Variants in ANK3 observed in about 807,000 individuals in gnomAD.
The protein encoded by ANK3 is ankyrin 3, also known as ankyrin-3.
In ANK3, 57 loss-of-function variants were observed where a neutral mutation model predicts 370.9. That is an observed-to-expected ratio of 0.15 (90% CI 0.12 to 0.19). The LOEUF is 0.19. ANK3 is among the 10% of genes least tolerant of loss of function. ANK3 has a pLI of 1.00. For missense variants in ANK3, 4,439 were observed against 5,302.1 expected (o/e 0.84, Z 5.06); for synonymous variants, 1,929 against 1,946.3 (o/e 0.99, Z 0.23).
chr10:60,582,535 C>T (rs1222715243), intron 2 of ANK3, among the ~76,000 whole-genome samples: 3 of 151,892 alleles, frequency 2.0e-5, no homozygotes, highest in Admixed American at 2.0e-4. Flanking sequence ...GCTGAAGAGG[C>T]CAAGGTCACC....
chr10:60,560,736 G>A (rs1042367005), intron 2 of ANK3, among the ~76,000 whole-genome samples: 4 of 152,126 alleles, frequency 2.6e-5, no homozygotes, highest in Non-Finnish European at 4.4e-5. Context: ...TCTGTTGGGG[G>A]ATAGGGATGA....
Position 60,063,125 on chromosome 10 carries a change from T to C in ANK3, c.12581A>G (p.His4194Arg), listed in dbSNP as rs551532480. ...RSFADENNVF[H>R]DPVDGWQNET... ...AATTCGATTACCATCAACAGGGTCATGGAAAACATTGTTCTCATCTGCAAA... is the reference window on the plus strand; with the variant it reads ...AATTCGATTACCATCAACAGGGTCACGGAAAACATTGTTCTCATCTGCAAA... Residue 4194 changes from histidine (H) to arginine (R), a missense_variant, in exon 40 of 44, where the codon CAT (histidine) becomes CGT (arginine). By Grantham distance (29) the His-to-Arg change is conservative. Transcript: ENST00000280772. The C allele has an allele frequency of 2.5e-6, 4 of 1,611,716 alleles. No individual in the cohort carries two copies. Among genetic ancestry groups the C allele is most frequent in the Non-Finnish European group, 3.4e-6 (4 of 1,179,362 alleles).
rs1223336563 is a variant in ANK3 at position 60,144,322 on chromosome 10, G to A, written c.2615-5235C>T. 3.0e-5 allele frequency: 10 copies of A among 334,596 alleles called. No homozygotes were observed. In the East Asian group the frequency reaches 9.6e-4, roughly 32 times the overall value. The allele number at this position is 334,596 out of a possible 1,614,324, so 20.7% of individuals were successfully genotyped here. ...CTAATAAATTAGAGTTAGCTCTGTA[G>A]TGCATTAAATGATGTGCATACACAA... On this transcript the variant is annotated intron_variant, in intron 23 of 43. Coordinates refer to ENST00000280772, the MANE Select transcript of ANK3 (RefSeq NM_020987.5).
intron 2 of ANK3, among the ~76,000 whole-genome samples, chr10:60,396,910 A>G (rs1232671432): frequency 6.6e-6 from 1 of 152,230 alleles, no homozygotes; most frequent in Non-Finnish European, 1.5e-5. Flanking sequence ...CTGAAATACA[A>G]TTACAGTAAG....
chr10:60,444,037 A>G (rs1193582083), intron 2 of ANK3, among the ~76,000 whole-genome samples: 1 of 152,118 alleles, frequency 6.6e-6, no homozygotes, highest in Admixed American at 6.5e-5. Flanking sequence ...TTTTAGGATG[A>G]AAATGTCAGA....
Position 60,624,694 on chromosome 10 carries a change from G to A in ANK3, c.58-9470C>T, listed in dbSNP as rs114780869. ...CACCAACCAACACAAGAAACCCTCC[G>A]CAACAGTGCATGAGATTATAGTGGC... On this transcript the variant is annotated intron_variant, in intron 1 of 43. Coordinates refer to the ANK3 transcript ENST00000373827. Among the ~76,000 whole-genome samples the A allele has an allele frequency of 1.9e-3, 274 of 146,812 alleles. 2 individuals carry two copies. Among genetic ancestry groups the A allele is most frequent in the African/African-American group, 6.7e-3 (266 of 39,446 alleles).
intron 21 of ANK3, 59 bp downstream of exon 21, chr10:60,172,249 C>T (rs2095811962): frequency 1.4e-6 from 2 of 1,388,824 alleles, no homozygotes; most frequent in African/African-American, 1.4e-5. Context: ...CAGAAAAACC[C>T]AAGAAAACTG....
At chr10:60,064,668 CACAGCAACAACAACAACAACA>C (rs2081268743) in intron 38 of ANK3, among the ~76,000 whole-genome samples, 1 of 110,432 alleles carries the variant, frequency 9.1e-6, no homozygotes, top group Non-Finnish European at 1.8e-5. Flanking sequence ...TCTCCATACA[CACAGCAACAACAACAACAACA>C]ACAACAACAA....
At chr10:60,180,468 T>C (rs1169090611) in intron 18 of ANK3, among the ~76,000 whole-genome samples, 1 of 150,044 alleles carries the variant, frequency 6.7e-6, no homozygotes, top group Non-Finnish European at 1.5e-5. Context: ...TGGTGGCACA[T>C]GCCTGTAGTC....
At chr10:60,698,088 G>A (rs1373535588) in intron 1 of ANK3, among the ~76,000 whole-genome samples, 10 of 151,954 alleles carry the variant, frequency 6.6e-5, no homozygotes, top group East Asian at 1.9e-4. Context: ...AAAAGTGGGC[G>A]AAGGACATGA....
intron 1 of ANK3, among the ~76,000 whole-genome samples, chr10:60,313,032 TC>T (rs2046677649): frequency 6.6e-6 from 1 of 152,210 alleles, no homozygotes; most frequent in South Asian, 2.1e-4. Context: ...GGAAGGCCAG[TC>T]CCGGTAGCTA....
chr10:60,239,593 G>A (rs2097392498), intron 7 of ANK3, among the ~76,000 whole-genome samples: 1 of 152,066 alleles, frequency 6.6e-6, no homozygotes. Context: ...TTCATCATCA[G>A]CAGACCTGCA....
chr10:60,675,987 T>C (rs893085897), intron 1 of ANK3, among the ~76,000 whole-genome samples: 3 of 152,180 alleles, frequency 2.0e-5, no homozygotes, highest in Non-Finnish European at 4.4e-5. Context: ...AAAGTTAAAT[T>C]GCACCATTTA....
chr10:60,123,473 G>C (rs1036272178), intron 25 of ANK3, among the ~76,000 whole-genome samples: 3 of 152,164 alleles, frequency 2.0e-5, no homozygotes, highest in Admixed American at 2.0e-4. Context: ...AGGCAGGGAA[G>C]GAAAGAGGCA....
intron 2 of ANK3, among the ~76,000 whole-genome samples, chr10:60,457,546 G>C (rs2064778925): frequency 6.6e-6 from 1 of 152,062 alleles, no homozygotes; most frequent in South Asian, 2.1e-4. Context: ...TCTCTGTTGT[G>C]TTAATGGAAC....
intron 2 of ANK3, among the ~76,000 whole-genome samples, chr10:60,431,489 G>GCCACAGA (rs1221526889): frequency 6.6e-6 from 1 of 152,126 alleles, no homozygotes; most frequent in African/African-American, 2.4e-5. Flanking sequence ...TTCCTAACAG[G>GCCACAGA]CCACAGACCA....
intron 2 of ANK3, among the ~76,000 whole-genome samples, chr10:60,499,716 T>C (rs2075749877): frequency 6.6e-6 from 1 of 152,048 alleles, no homozygotes; most frequent in Non-Finnish European, 1.5e-5. Context: ...AACTCAAAAA[T>C]AACAAAAAGG....
At position 60,028,745 on chromosome 10, in the gene ANK3, CG is replaced by C. The variant is rs1205522420; in HGVS notation, c.*1100del. 1.3e-5 allele frequency: 2 copies of C among 152,572 alleles called. No individual in the cohort carries two copies. Among genetic ancestry groups the C allele is most frequent in the African/African-American group, 4.8e-5 (2 of 41,418 alleles). The allele number at this position is 152,572 out of a possible 1,614,324, so 9.5% of individuals were successfully genotyped here. ...CTGTTCAGTCCTTTTTAAATACCCCCGACTGGGGCCTTTTATGAGCACCATC... is the reference window on the plus strand; with the variant it reads ...CTGTTCAGTCCTTTTTAAATACCCCCACTGGGGCCTTTTATGAGCACCATC... On this transcript the variant is annotated 3_prime_UTR_variant, in exon 44 of 44. Transcript: ENST00000280772.
intron 2 of ANK3, among the ~76,000 whole-genome samples, chr10:60,455,117 A>G (rs2064713694): frequency 6.6e-6 from 1 of 152,206 alleles, no homozygotes; most frequent in Admixed American, 6.6e-5. Context: ...AAACAGAAAA[A>G]AAGAGGTTTC....
Sources: allele counts gnomAD v4.1 joint callset (sites outside exome capture counted in the v4.1 genomes callset), GRCh38; gene constraint gnomAD v4.1.1; transcripts MANE v1.5; gene names NCBI Gene and HGNC (gene_info 2026-07-23, HGNC 2026-07-21).